The following SUPT3H variants were observed in gnomAD, a reference collection of about 807,000 sequenced individuals.
SUPT3H encodes transcription initiation protein SPT3 homolog.
A neutral mutation model predicts 44.3 loss-of-function variants in SUPT3H; 44 were observed. The observed-to-expected ratio is 0.99, with a 90% CI of 0.78 to 1.28. SUPT3H has a LOEUF of 1.28. SUPT3H is among the 50% of genes most tolerant of loss of function. The probability of loss-of-function intolerance (pLI) is 0.00; values close to 1 mark genes in which losing one functional copy is unlikely to be tolerated. For missense variants in SUPT3H, 380 were observed against 387.1 expected (o/e 0.98, Z 0.15); for synonymous variants, 124 against 125.6 (o/e 0.99, Z 0.09).
At chr6:45,300,193 T>G (rs1398347104) in intron 2 of SUPT3H, among the ~76,000 whole-genome samples, 1 of 152,244 alleles carries the variant, frequency 6.6e-6, no homozygotes, top group Non-Finnish European at 1.5e-5. Flanking sequence ...TTTATTATTT[T>G]CTTTCTATGC....
At chr6:45,229,395 G>C (rs1234302428) in intron 2 of SUPT3H, among the ~76,000 whole-genome samples, 7 of 152,128 alleles carry the variant, frequency 4.6e-5, no homozygotes, top group African/African-American at 1.7e-4. Context: ...CTGCCCCACT[G>C]CATGAAATAC....
intron 3 of SUPT3H, among the ~76,000 whole-genome samples, chr6:45,094,680 T>C (rs1797573521): frequency 6.6e-6 from 1 of 151,322 alleles, no homozygotes; most frequent in African/African-American, 2.5e-5. Flanking sequence ...TAGTTACTTA[T>C]TATTTTTTTA....
At chr6:45,007,477 G>A (rs1452056857) in intron 5 of SUPT3H, among the ~76,000 whole-genome samples, 11 of 151,530 alleles carry the variant, frequency 7.3e-5, no homozygotes, top group Admixed American at 7.2e-4. Context: ...TATGTGCTTT[G>A]AGATAACTAT....
chr6:45,150,384 T>C (rs1435883860), intron 2 of SUPT3H, among the ~76,000 whole-genome samples: 1 of 152,148 alleles, frequency 6.6e-6, no homozygotes, highest in Admixed American at 6.6e-5. Flanking sequence ...ATGACCATTG[T>C]TGGAAATTTC....
chr6:45,360,156 C>T (rs1794001882), intron 2 of SUPT3H, among the ~76,000 whole-genome samples: 1 of 152,150 alleles, frequency 6.6e-6, no homozygotes, highest in East Asian at 1.9e-4. Context: ...GTCAGACTTC[C>T]TGGCATTAAT....
Position 44,829,351 on chromosome 6 carries a change from C to T in SUPT3H, c.*465G>A, listed in dbSNP as rs529125. On this transcript the variant is annotated 3_prime_UTR_variant, in exon 11 of 11. Transcript: ENST00000371459. ...ATAAAATGGATAGCTGTCACTAAAA[C>T]ACATGTCAACAAATGTTGGAAAGTA... 112,125 of 153,512 alleles carry T rather than the reference C, an allele frequency of 0.73. 41,251 individuals carry two copies. The highest frequency in any genetic ancestry group is 0.96 in the East Asian group (5,010 of 5,214). The allele number at this position is 153,512 out of a possible 1,614,324, so 9.5% of individuals were successfully genotyped here. A position where few individuals can be genotyped will look rare whatever the true frequency, so the allele number is the denominator to read the frequency against.
intron 2 of SUPT3H, among the ~76,000 whole-genome samples, chr6:45,350,817 G>A (rs1284179392): frequency 6.6e-6 from 1 of 152,092 alleles, no homozygotes; most frequent in Non-Finnish European, 1.5e-5. Flanking sequence ...AATGAATGAA[G>A]TCTTTACATT....
chr6:45,336,640 T>G (rs932773027), intron 2 of SUPT3H, among the ~76,000 whole-genome samples: 11 of 151,572 alleles, frequency 7.3e-5, no homozygotes, highest in Middle Eastern at 3.4e-3. Flanking sequence ...CTCAGACGTA[T>G]TCAAACAATT....
chr6:45,234,556 A>C (rs1768735611), intron 2 of SUPT3H, among the ~76,000 whole-genome samples: 1 of 151,662 alleles, frequency 6.6e-6, no homozygotes, highest in Non-Finnish European at 1.5e-5. Flanking sequence ...AAGAAAAGAA[A>C]AAAAAGAAAT....
At chr6:44,832,907 C>T (rs892642347) in intron 10 of SUPT3H, among the ~76,000 whole-genome samples, 3 of 151,874 alleles carry the variant, frequency 2.0e-5, no homozygotes, top group Non-Finnish European at 2.9e-5. Flanking sequence ...CATTTAAATC[C>T]CATAGTGGTT....
chr6:45,338,960 A>G (rs1353971702), intron 2 of SUPT3H, among the ~76,000 whole-genome samples: 1 of 152,150 alleles, frequency 6.6e-6, no homozygotes, highest in Non-Finnish European at 1.5e-5. Context: ...AACTATTTAC[A>G]CTCATGTGAG....
chr6:44,831,891 CAAAAGAT>C (rs921328422), intron 10 of SUPT3H, among the ~76,000 whole-genome samples: 6 of 152,160 alleles, frequency 3.9e-5, no homozygotes, highest in African/African-American at 1.4e-4. Flanking sequence ...GCTTTGCAAA[CAAAAGAT>C]TTTTTTTTAA....
chr6:45,087,881 C>T (rs1583469183), intron 3 of SUPT3H, among the ~76,000 whole-genome samples: 1 of 151,930 alleles, frequency 6.6e-6, no homozygotes. Flanking sequence ...AGAAACAAAA[C>T]TAAACATAGA....
intron 2 of SUPT3H, among the ~76,000 whole-genome samples, chr6:45,155,730 A>C (rs1160947752): frequency 6.6e-6 from 1 of 152,068 alleles, no homozygotes; most frequent in Non-Finnish European, 1.5e-5. Context: ...CTGTTACATA[A>C]TTATAGATAA....
At chr6:45,150,474 G>C (rs1806748929) in intron 2 of SUPT3H, among the ~76,000 whole-genome samples, 1 of 151,974 alleles carries the variant, frequency 6.6e-6, no homozygotes, top group South Asian at 2.1e-4. Context: ...TGAGTAGAGA[G>C]ACAACACAAA....
At chr6:45,045,244 T>G (rs1789194854) in intron 3 of SUPT3H, among the ~76,000 whole-genome samples, 1 of 152,156 alleles carries the variant, frequency 6.6e-6, no homozygotes, top group South Asian at 2.1e-4. Flanking sequence ...CAGTGGTCTA[T>G]GGGGACCATA....
chr6:45,134,177 AAAAGGT>A (rs1803912705), intron 2 of SUPT3H, among the ~76,000 whole-genome samples: 1 of 152,168 alleles, frequency 6.6e-6, no homozygotes, highest in South Asian at 2.1e-4. Flanking sequence ...ATCCTATGGC[AAAAGGT>A]GAAAGGGCAA....
At chr6:45,151,531 A>G (rs2153596426) in intron 2 of SUPT3H, among the ~76,000 whole-genome samples, 1 of 152,292 alleles carries the variant, frequency 6.6e-6, no homozygotes, top group Middle Eastern at 3.4e-3. Context: ...TAATGGAGTG[A>G]AGCTGGGCAA....
chr6:44,826,710 T>C (rs1046498228), downstream of SUPT3H, among the ~76,000 whole-genome samples: 3 of 152,220 alleles, frequency 2.0e-5, no homozygotes, highest in African/African-American at 7.2e-5. Context: ...TAATTAATTC[T>C]AAACAAGTAA....
Sources: allele counts gnomAD v4.1 joint callset (sites outside exome capture counted in the v4.1 genomes callset), GRCh38; gene constraint gnomAD v4.1.1; transcripts MANE v1.5; gene names NCBI Gene and HGNC (gene_info 2026-07-23, HGNC 2026-07-21).